RHCE: variants seen among roughly 807,000 people sequenced by gnomAD.
RHCE encodes Rh blood group CcEe antigens, also known as blood group Rh(CE) polypeptide.
RHCE carries 22 observed loss-of-function variants against 43.8 expected under a neutral mutation model. The observed-to-expected ratio is 0.50, with a 90% CI of 0.36 to 0.72. The LOEUF (loss-of-function observed/expected upper bound fraction) is 0.72, where lower values mean the gene tolerates loss of function less well. RHCE is among the 30% of genes least tolerant of loss of function. The pLI is 0.00. For missense variants in RHCE, 385 were observed against 525.4 expected (o/e 0.73, Z 2.61); for synonymous variants, 156 against 210.7 (o/e 0.74, Z 2.25).
rs751518736 is a variant in RHCE, at chr1:25,420,737, G to A, written c.50C>T (p.Ala17Val). Residue 17 changes from alanine to valine, a missense_variant, in exon 1 of 10, where the codon GCC (alanine) becomes GTC (valine). Ala to Val is a moderately conservative substitution (Grantham distance 64). Transcript: ENST00000294413. The part of the protein sequence containing the change: ...RSVRRCLPLC[A>V]LTLEAALILL... ...AATGAGAGCTGCTTCCAGTGTTAGG[G>A]CGCAGAGGGGCAGGCAGCGCCGGAC... 6.2e-7 allele frequency: 1 copy of A among 1,609,254 alleles called. No homozygotes were observed. The highest frequency in any genetic ancestry group is 8.5e-7 in the Non-Finnish European group (1 of 1,176,840).
rs1830965 is a variant in RHCE at position 25,395,731 on chromosome 1, C to T, written c.487-3590G>A. 4.0e-4 allele frequency among the ~76,000 whole-genome samples: 61 copies of T among 152,278 alleles called. 1 individual carries two copies. The East Asian group carries it at 0.012, about 29-fold the overall frequency. On this transcript the variant is annotated intron_variant, in intron 3 of 9. Transcript: ENST00000294413. The stretch of plus-strand genomic sequence containing the variant: ...ATCCAGGAGTCCATGGTAATATAAA[C>T]AAATACATAGATGAGTGGATGAACA...
chr1:25,402,578 C>T lies in RHCE; in HGVS notation c.486+18G>A. 4 of 1,614,014 alleles carry T rather than the reference C, an allele frequency of 2.5e-6. No homozygotes were observed. Among genetic ancestry groups the T allele is most frequent in the South Asian group, 2.2e-5 (2 of 91,064 alleles). On this transcript the variant is annotated intron_variant, in intron 3 of 9. Coordinates refer to ENST00000294413, the MANE Select transcript of RHCE (RefSeq NM_020485.8). ...GGCCCTTTTCTCCCAGGTCCCTCCT[C>T]CCAGCACCATGACTCACGTTGAAGA...
intron 8 of RHCE, among the ~76,000 whole-genome samples, chr1:25,372,084 C>CT (rs35226283): frequency 3.3e-5 from 5 of 151,504 alleles, no homozygotes; most frequent in African/African-American, 1.2e-4. Flanking sequence ...CATATTTAGA[C>CT]TTTTTAAAAA....
intron 3 of RHCE, among the ~76,000 whole-genome samples, chr1:25,393,596 C>T (rs1311189154): frequency 6.6e-6 from 1 of 151,612 alleles, no homozygotes; most frequent in Non-Finnish European, 1.5e-5. Context: ...ACTCCAGCTT[C>T]GGCGACAGAG....
chr1:25,382,892 T>G (rs972774267), intron 7 of RHCE, among the ~76,000 whole-genome samples: 1 of 152,238 alleles, frequency 6.6e-6, no homozygotes, highest in African/African-American at 2.4e-5. Flanking sequence ...CAAATAGACT[T>G]ATTTTTACAT....
At chr1:25,427,628 T>C (rs568444670) in intron 2 of RHCE, among the ~76,000 whole-genome samples, 1 of 152,334 alleles carries the variant, frequency 6.6e-6, no homozygotes, top group Admixed American at 6.5e-5. Flanking sequence ...AGTATGGAGA[T>C]GGGCAGTCCT....
At chr1:25,392,758 A>G (rs1646418901) in intron 3 of RHCE, among the ~76,000 whole-genome samples, 1 of 151,324 alleles carries the variant, frequency 6.6e-6, no homozygotes, top group African/African-American at 2.4e-5. Flanking sequence ...TTGTGTAAAG[A>G]TGGAATCTCA....
At chr1:25,397,874 C>T (rs1571884991) in intron 3 of RHCE, among the ~76,000 whole-genome samples, 1 of 143,894 alleles carries the variant, frequency 6.9e-6, no homozygotes, top group East Asian at 2.0e-4. Flanking sequence ...CCTATCTGTC[C>T]GGCTCACTTC....
intron 3 of RHCE, among the ~76,000 whole-genome samples, chr1:25,400,315 T>G (rs582674): frequency 7.0e-4 from 107 of 152,302 alleles, no homozygotes; most frequent in African/African-American, 2.3e-3. Context: ...AAGGTCTCCT[T>G]GTCAAATCCA....
chr1:25,383,244 T>C (rs1191212598), intron 7 of RHCE, among the ~76,000 whole-genome samples: 1 of 152,252 alleles, frequency 6.6e-6, no homozygotes, highest in Non-Finnish European at 1.5e-5. Flanking sequence ...ATCCTGGCTC[T>C]GATCACAGCA....
chr1:25,411,802 GA>G (rs1421133623), intron 1 of RHCE, among the ~76,000 whole-genome samples: 3 of 152,292 alleles, frequency 2.0e-5, no homozygotes, highest in African/African-American at 7.2e-5. Context: ...GCACATGTGG[GA>G]GCAGTGAGGC....
intron 9 of RHCE, among the ~76,000 whole-genome samples, 172 bp downstream of exon 9, chr1:25,370,295 C>T (rs1645569364): frequency 1.3e-5 from 2 of 151,588 alleles, no homozygotes; most frequent in Admixed American, 6.6e-5. Flanking sequence ...GCCACCCTCC[C>T]CCACACACAT....
At chr1:25,414,897 T>C (rs1049300245) in intron 1 of RHCE, among the ~76,000 whole-genome samples, 7 of 152,134 alleles carry the variant, frequency 4.6e-5, no homozygotes, top group African/African-American at 1.7e-4. Flanking sequence ...CACAGAATCA[T>C]GATCATGAGT....
intron 7 of RHCE, among the ~76,000 whole-genome samples, chr1:25,382,890 C>T (rs1352683218): frequency 6.6e-6 from 1 of 152,098 alleles, no homozygotes; most frequent in Non-Finnish European, 1.5e-5. Context: ...TCCAAATAGA[C>T]TTATTTTTAC....
intron 7 of RHCE, chr1:25,385,481 C>T (rs604025): frequency 1.8e-5 from 12 of 652,670 alleles, no homozygotes; most frequent in Non-Finnish European, 3.3e-5. Flanking sequence ...TGTCTTTGGT[C>T]TATACCTAGG....
At chr1:25,379,821 C>T (rs1402008011) in intron 7 of RHCE, among the ~76,000 whole-genome samples, 3 of 152,072 alleles carry the variant, frequency 2.0e-5, no homozygotes, top group South Asian at 2.1e-4. Context: ...ATTACAGGCA[C>T]ATGCCACAAT....
In RHCE at chr1:25,376,168, G is replaced by T. The variant is rs2124340149; in HGVS notation, c.1074-740C>A. ...GGCAAGGTGGGTGGGGTAGAGCTTG[G>T]CTTTCAGACCCATCTCCCCTGCCCA... On this transcript the variant is annotated intron_variant, in intron 7 of 9. Coordinates refer to ENST00000294413, the MANE Select transcript of RHCE (RefSeq NM_020485.8). 1.3e-5 allele frequency among the ~76,000 whole-genome samples: 2 copies of T among 152,128 alleles called. 1 individual carries two copies. The highest frequency in any genetic ancestry group is 6.8e-3 in the Middle Eastern group (2 of 294).
intron 3 of RHCE, 61 bp downstream of exon 3, chr1:25,402,535 C>T: frequency 6.2e-7 from 1 of 1,613,678 alleles, no homozygotes; most frequent in Non-Finnish European, 8.5e-7. Context: ...CCCGGAAGCC[C>T]CACCAAATGG....
At chr1:25,393,289 G>A (rs116600273) in intron 3 of RHCE, among the ~76,000 whole-genome samples, 8,790 of 152,064 alleles carry the variant, frequency 0.058, 825 homozygotes, top group African/African-American at 0.19. Flanking sequence ...GTCTTCCTGC[G>A]GACTGTTCTC....
Sources: gnomAD v4.1 joint callset for allele counts (sites outside exome capture counted in the v4.1 genomes callset) on GRCh38, gnomAD v4.1.1 for gene constraint, MANE v1.5 for transcripts, NCBI Gene and HGNC (gene_info 2026-07-23, HGNC 2026-07-21) for gene names.